MFRP: variants seen among roughly 807,000 people sequenced by gnomAD.
MFRP encodes the protein C1q and TNF related 5.
MFRP carries 74 observed loss-of-function variants against 65.8 expected under a neutral mutation model. The ratio of observed to expected loss-of-function variants is 1.12; its 90% CI spans 0.93 to 1.36. The LOEUF is 1.36. Among genes scored for constraint, MFRP ranks in the 40% most tolerant of loss-of-function variants. The pLI is 0.00. For synonymous variants in MFRP, 336 were observed against 288.3 expected (o/e 1.17, Z -1.68); for missense variants, 838 against 736.0 (o/e 1.14, Z -1.60).
At chr11:119,344,500 G>C in intron 7 of MFRP, 109 bp from the exon 8 acceptor site, 1 of 1,575,892 alleles carries the variant, frequency 6.3e-7, no homozygotes, top group Non-Finnish European at 8.7e-7. Context: ...TGGGAAACAA[G>C]TTCTGGGCCA....
intron 11 of MFRP, 61 bp downstream of exon 11, chr11:119,342,535 A>G (rs891178548): frequency 8.6e-5 from 138 of 1,601,014 alleles, no homozygotes; most frequent in Non-Finnish European, 1.2e-4. Context: ...GCAGTACGGC[A>G]GTAGGGTTCT....
At chr11:119,343,764 G>A in intron 9 of MFRP, 52 bp downstream of exon 9, 1 of 1,609,488 alleles carries the variant, frequency 6.2e-7, no homozygotes, top group South Asian at 1.1e-5. Flanking sequence ...GAAGCCGGGG[G>A]TGGCAGACAG....
Position 119,339,826 on chromosome 11 carries a change from G to T in MFRP, c.*1133C>A. On this transcript the variant is annotated 3_prime_UTR_variant, in exon 15 of 15. Coordinates refer to ENST00000619721, the MANE Select transcript of MFRP (RefSeq NM_031433.4). This position sits in a 1 kb window ranked among gnomAD's most constrained non-coding sequence, Gnocchi z 5.4. Reference sequence around the variant, plus strand: ...GTCCCGCCTCTCCTCGCGGCCCGGGGTCCCCTCGAGGTCCCGGCAGTCCTG... The same window carrying T: ...GTCCCGCCTCTCCTCGCGGCCCGGGTTCCCCTCGAGGTCCCGGCAGTCCTG... 1 of 1,510,700 alleles carries T rather than the reference G, an allele frequency of 6.6e-7. No homozygotes were observed. The allele number at this position is 1,510,700 out of a possible 1,614,324, so 93.6% of individuals were successfully genotyped here. A position where few individuals can be genotyped will look rare whatever the true frequency, so the allele number is the denominator to read the frequency against.
chr11:119,344,097 A>G (rs996750320), intron 8 of MFRP, 133 bp from the exon 9 acceptor site: 16 of 1,216,152 alleles, frequency 1.3e-5, no homozygotes, highest in Non-Finnish European at 1.9e-5. Context: ...GTTCTTAAGG[A>G]CCTTTAATTT....
rs763906758 is a variant in MFRP at position 119,339,889 on chromosome 11, C to T, written c.*1111-41G>A. ...GGCGGCAGGGTGAGAGTAGCGGCGG[C>T]TCAGCCCGCAGCGGGGCGGCGACTC... On this transcript the variant is annotated intron_variant, in intron 14 of 14. Coordinates refer to ENST00000619721, the MANE Select transcript of MFRP (RefSeq NM_031433.4). This position sits in a 1 kb window ranked among gnomAD's most constrained non-coding sequence, Gnocchi z 5.4. The T allele has an allele frequency of 1.4e-5, 20 of 1,435,378 alleles. No individual in the cohort carries two copies. The highest frequency in any genetic ancestry group is 1.5e-5 in the Non-Finnish European group (17 of 1,102,160). The allele number at this position is 1,435,378 out of a possible 1,614,324, so 88.9% of individuals were successfully genotyped here.
At chr11:119,344,486 C>A in intron 7 of MFRP, 95 bp from the exon 8 acceptor site, 1 of 1,559,968 alleles carries the variant, frequency 6.4e-7, no homozygotes, top group Non-Finnish European at 8.8e-7. Context: ...TTTGGCCATG[C>A]CCATGGGAAA....
chr11:119,339,887 G>A lies in MFRP; in HGVS notation c.*1111-39C>T, dbSNP rs1456248471. On this transcript the variant is annotated intron_variant, in intron 14 of 14. Transcript: ENST00000619721. This position sits in a 1 kb window ranked among gnomAD's most constrained non-coding sequence, Gnocchi z 5.4. ...GGGGCGGCAGGGTGAGAGTAGCGGC[G>A]GCTCAGCCCGCAGCGGGGCGGCGAC... 3 of 1,435,454 alleles carry A rather than the reference G, an allele frequency of 2.1e-6. No individual in the cohort carries two copies. Among genetic ancestry groups the A allele is most frequent in the African/African-American group, 2.9e-5 (2 of 68,726 alleles). The allele number at this position is 1,435,454 out of a possible 1,614,324, so 88.9% of individuals were successfully genotyped here.
At position 119,339,394 on chromosome 11, in the gene MFRP, TGTCTTGATGCTG is replaced by T; in HGVS notation, c.*1553_*1564del. 1 of 1,613,076 alleles carries T rather than the reference TGTCTTGATGCTG, an allele frequency of 6.2e-7. No individual in the cohort carries two copies. Reference sequence around the variant, plus strand: ...CCAGAAATCCGGAGAAGGTGCTGTCTGTCTTGATGCTGGCATAGATGCCAATGTAGTCACCCA... The same window carrying T: ...CCAGAAATCCGGAGAAGGTGCTGTCTGCATAGATGCCAATGTAGTCACCCA... On this transcript the variant is annotated 3_prime_UTR_variant, in exon 15 of 15. Coordinates refer to ENST00000619721, the MANE Select transcript of MFRP (RefSeq NM_031433.4). The surrounding 1 kb of genome is among the most constrained non-coding windows in gnomAD (Gnocchi z 5.4).
chr11:119,345,275 C>G, intron 5 of MFRP, 145 bp downstream of exon 5: 1 of 879,460 alleles, frequency 1.1e-6, no homozygotes, highest in Non-Finnish European at 1.8e-6. Flanking sequence ...TCACGGCACA[C>G]AGCAAGGTGG....
chr11:119,338,948 T>G lies in MFRP; in HGVS notation c.*2011A>C. 2 of 180,850 alleles carry G rather than the reference T, an allele frequency of 1.1e-5. No individual in the cohort carries two copies. Among genetic ancestry groups the G allele is most frequent in the Non-Finnish European group, 1.2e-5 (1 of 86,576 alleles). 11.2% of individuals were successfully genotyped at this position (180,850 alleles called of 1,614,324 possible). ...GAAAGGCTGGAGCCGGTAGGAGGGT[T>G]CTTAGGTTTATTGAGTGATCTCTGA... On this transcript the variant is annotated 3_prime_UTR_variant, in exon 15 of 15. Transcript: ENST00000619721.
Position 119,341,889 on chromosome 11 carries a change from C to G in MFRP, c.1483G>C (p.Glu495Gln). The G allele has an allele frequency of 1.9e-6, 3 of 1,613,996 alleles. No homozygotes were observed. Among genetic ancestry groups the G allele is most frequent in the Non-Finnish European group, 2.5e-6 (3 of 1,179,998 alleles). ...CCGCTGAGGACCTCTACCACCTCCT[C>G]CTGGGTGATCATGCCCACCCAGATG... The part of the protein sequence containing the change: ...PNIWVGMITQ[E>Q]EVVEVLSGYK... Residue 495 changes from glutamate (E) to glutamine (Q), a missense_variant, in exon 12 of 15, where the codon GAG becomes CAG. Physicochemically the swap from Glu to Gln is conservative, Grantham distance 29. Transcript: ENST00000619721.
At position 119,339,904 on chromosome 11, in the gene MFRP, G is replaced by C; in HGVS notation, c.*1111-56C>G. 7 of 1,430,674 alleles carry C rather than the reference G, an allele frequency of 4.9e-6. No individual in the cohort carries two copies. Among genetic ancestry groups the C allele is most frequent in the Non-Finnish European group, 6.4e-6 (7 of 1,099,782 alleles). The allele number at this position is 1,430,674 out of a possible 1,614,324, so 88.6% of individuals were successfully genotyped here. A position where few individuals can be genotyped will look rare whatever the true frequency, so the allele number is the denominator to read the frequency against. On this transcript the variant is annotated intron_variant, in intron 14 of 14. Coordinates refer to ENST00000619721, the MANE Select transcript of MFRP (RefSeq NM_031433.4). This position sits in a 1 kb window ranked among gnomAD's most constrained non-coding sequence, Gnocchi z 5.4. The stretch of plus-strand genomic sequence containing the variant: ...GTAGCGGCGGCTCAGCCCGCAGCGG[G>C]GCGGCGACTCTAAGGTCACCGTACC...
At chr11:119,344,239 A>G in intron 8 of MFRP, 76 bp downstream of exon 8, 1 of 1,365,440 alleles carries the variant, frequency 7.3e-7, no homozygotes, top group Non-Finnish European at 1.0e-6. Context: ...CTACCATGCC[A>G]TTCCCATTAC....
Position 119,340,701 on chromosome 11 carries a change from T to G in MFRP, c.*847A>C. ...CCTCCTCCGCCAGACTCACCCCCCCTCCCGGCTCCCCGATGGCCTCCTTCG... is the reference window on the plus strand; with the variant it reads ...CCTCCTCCGCCAGACTCACCCCCCCGCCCGGCTCCCCGATGGCCTCCTTCG... On this transcript the variant is annotated 3_prime_UTR_variant, in exon 13 of 15. Coordinates refer to ENST00000619721, the MANE Select transcript of MFRP (RefSeq NM_031433.4). The G allele has an allele frequency of 3.2e-6, 1 of 309,536 alleles. No individual in the cohort carries two copies. Among genetic ancestry groups the G allele is most frequent in the Non-Finnish European group, 5.5e-6 (1 of 181,698 alleles). 19.2% of individuals were successfully genotyped at this position (309,536 alleles called of 1,614,324 possible).
chr11:119,339,197 G>T lies in MFRP; in HGVS notation c.*1762C>A, dbSNP rs1003867368. On this transcript the variant is annotated 3_prime_UTR_variant, in exon 15 of 15. Transcript: ENST00000619721. This position sits in a 1 kb window ranked among gnomAD's most constrained non-coding sequence, Gnocchi z 5.4. Reference sequence around the variant, plus strand: ...TGTTCCCATTCCTTGCCAGCAGCAGGACGGAGAGTGCTCTACCCCACCTCC... The same window carrying T: ...TGTTCCCATTCCTTGCCAGCAGCAGTACGGAGAGTGCTCTACCCCACCTCC... 2 of 984,432 alleles carry T rather than the reference G, an allele frequency of 2.0e-6. No individual in the cohort carries two copies. Among genetic ancestry groups the T allele is most frequent in the African/African-American group, 3.3e-5 (2 of 60,972 alleles). The allele number at this position is 984,432 out of a possible 1,614,324, so 61.0% of individuals were successfully genotyped here.
chr11:119,345,747 C>G, intron 4 of MFRP, 26 bp downstream of exon 4: 1 of 1,613,372 alleles, frequency 6.2e-7, no homozygotes, highest in South Asian at 1.1e-5. Flanking sequence ...GGCCCTTCTC[C>G]CGGAAGATCT....
At chr11:119,342,829 G>T (rs926007264) in intron 10 of MFRP, 44 bp downstream of exon 10, 1 of 1,613,044 alleles carries the variant, frequency 6.2e-7, no homozygotes, top group Admixed American at 1.7e-5. Context: ...TGTCCCCCTG[G>T]AGGTGCCTCT....
intron 5 of MFRP, 126 bp from the exon 6 acceptor site, chr11:119,345,130 TC>T: frequency 8.0e-7 from 1 of 1,245,264 alleles, no homozygotes; most frequent in Non-Finnish European, 1.1e-6. Context: ...TCAAAAAGGC[TC>T]CTCTGATGTC....
At chr11:119,344,215 G>A in intron 8 of MFRP, 100 bp downstream of exon 8, 1 of 1,185,890 alleles carries the variant, frequency 8.4e-7, no homozygotes, top group South Asian at 1.2e-5. Flanking sequence ...ACCTTCCCAA[G>A]TAGAAGGTAG....
Sources: allele counts gnomAD v4.1 joint callset, GRCh38; gene constraint gnomAD v4.1.1; non-coding constraint Gnocchi (gnomAD v3.1); transcripts MANE v1.5; gene names NCBI Gene and HGNC (gene_info 2026-07-23, HGNC 2026-07-21).